Variants in STAG2 observed in about 807,000 individuals in gnomAD.
STAG2 encodes the protein cohesin subunit SA-2.
Under a neutral mutation model 108.1 loss-of-function variants are expected in STAG2, and 14 were observed. The observed-to-expected ratio is 0.13, with a 90% CI of 0.09 to 0.20. The LOEUF is 0.20. Ranked by LOEUF, STAG2 falls within the 10% of genes least tolerant of loss-of-function variation. The pLI, the probability that STAG2 is intolerant of heterozygous loss-of-function variation, is 1.00. For synonymous variants in STAG2, 307 were observed against 302.7 expected (o/e 1.01, Z -0.15); for missense variants, 440 against 940.9 (o/e 0.47, Z 6.96).
At chrX:123,996,115 C>A (rs1289533581) in intron 1 of STAG2, among the ~76,000 whole-genome samples, 4 of 112,089 alleles carry the variant, frequency 3.6e-5, no homozygotes. Context: ...TTCGATATAA[C>A]CCCCGAACAT....
At chrX:123,991,584 C>G (rs1260771531) in intron 1 of STAG2, among the ~76,000 whole-genome samples, 1 of 111,226 alleles carries the variant, frequency 9.0e-6, no homozygotes, top group Non-Finnish European at 1.9e-5. Flanking sequence ...AACTCCTGAC[C>G]TCAGGTGATC....
At chrX:123,976,679 T>C (rs1426111468) in intron 1 of STAG2, among the ~76,000 whole-genome samples, 1 of 112,236 alleles carries the variant, frequency 8.9e-6, no homozygotes, top group Non-Finnish European at 1.9e-5. Context: ...ATCTTCTTAC[T>C]ATATGACAAG....
At chrX:124,067,842 G>A (rs1479519166) in intron 23 of STAG2, among the ~76,000 whole-genome samples, 1 of 110,994 alleles carries the variant, frequency 9.0e-6, no homozygotes, top group East Asian at 2.8e-4. Context: ...GACCAGCCTG[G>A]CCAACATGGT....
At chrX:124,065,722 A>G (rs759463029) in intron 20 of STAG2, among the ~76,000 whole-genome samples, 154 bp from the exon 21 acceptor site, 3 of 111,525 alleles carry the variant, frequency 2.7e-5, no homozygotes, top group African/African-American at 6.5e-5. Context: ...CCCCAGCCAT[A>G]TTGCCTTAAA....
chrX:124,024,869 G>A (rs1320117428), intron 3 of STAG2, among the ~76,000 whole-genome samples: 1 of 111,716 alleles, frequency 9.0e-6, no homozygotes, highest in East Asian at 2.8e-4. Flanking sequence ...TTATGGATGT[G>A]GCTCAATTCT....
At chrX:124,090,188 G>GAAAA (rs2059222727) in intron 30 of STAG2, among the ~76,000 whole-genome samples, 1 of 69,564 alleles carries the variant, frequency 1.4e-5, no homozygotes, top group Non-Finnish European at 3.0e-5. Flanking sequence ...AAAAAAAAAG[G>GAAAA]TTTAGTCCTT....
intron 15 of STAG2, among the ~76,000 whole-genome samples, chrX:124,059,459 A>G (rs2058317070): frequency 8.9e-6 from 1 of 111,980 alleles, no homozygotes; most frequent in African/African-American, 3.2e-5. Flanking sequence ...CTTTGCTGAA[A>G]GTTTCTAACA....
intron 13 of STAG2, among the ~76,000 whole-genome samples, chrX:124,052,503 A>G (rs762634240): frequency 1.2e-4 from 13 of 112,076 alleles, no homozygotes; most frequent in Non-Finnish European, 3.8e-5. Flanking sequence ...TATAGCACGT[A>G]CTCCTGTTTA....
intron 1 of STAG2, among the ~76,000 whole-genome samples, chrX:124,007,567 A>C: frequency 8.9e-6 from 1 of 111,941 alleles, no homozygotes; most frequent in Admixed American, 9.5e-5. Context: ...AGTTAAAATT[A>C]TATGCAAAGG....
intron 9 of STAG2, 124 bp from the exon 10 acceptor site, chrX:124,048,881 A>G (rs1421238466): frequency 5.9e-6 from 3 of 506,484 alleles, no homozygotes; most frequent in Non-Finnish European, 1.0e-5. Context: ...ACTGTTGTCT[A>G]GTATAATTCA....
chrX:124,020,688 C>T (rs9887140), intron 1 of STAG2, among the ~76,000 whole-genome samples: 6 of 110,771 alleles, frequency 5.4e-5, no homozygotes, highest in East Asian at 5.7e-4. Flanking sequence ...CCTGTCTCAA[C>T]GAAAATAAGA....
upstream of STAG2, chrX:123,960,642 A>G (rs2053806434): frequency 9.5e-6 from 1 of 104,830 alleles, no homozygotes; most frequent in Non-Finnish European, 1.9e-5. Flanking sequence ...AAAAAAAAAA[A>G]AGAAAAAAAA....
chrX:123,967,791 C>T (rs1221503666), intron 1 of STAG2, among the ~76,000 whole-genome samples: 1 of 110,773 alleles, frequency 9.0e-6, no homozygotes, highest in Non-Finnish European at 1.9e-5. Context: ...AGTTATAATA[C>T]AGTGGTAAGT....
intron 5 of STAG2, 70 bp from the exon 6 acceptor site, chrX:124,037,455 CTT>C: frequency 1.7e-6 from 1 of 605,064 alleles, no homozygotes; most frequent in Non-Finnish European, 2.4e-6. Flanking sequence ...AATTTTATGA[CTT>C]TATCAGACTT....
intron 1 of STAG2, among the ~76,000 whole-genome samples, chrX:123,982,448 C>T (rs2147666293): frequency 8.9e-6 from 1 of 111,919 alleles, no homozygotes; most frequent in Non-Finnish European, 1.9e-5. Flanking sequence ...GATCTTGGCT[C>T]ACTGCAACTT....
chrX:124,056,896 CTT>C (rs11325586), intron 14 of STAG2, among the ~76,000 whole-genome samples: 36 of 94,040 alleles, frequency 3.8e-4, no homozygotes, highest in South Asian at 1.0e-3. Flanking sequence ...TATAATTAGG[CTT>C]TTTTTTTTTT....
chrX:124,061,121 G>A, intron 15 of STAG2, 103 bp from the exon 16 acceptor site: 1 of 520,907 alleles, frequency 1.9e-6, no homozygotes, highest in East Asian at 3.8e-5. Context: ...AAAATAGATT[G>A]CTGTTTGAGA....
At chrX:124,016,978 G>A (rs184027321) in intron 1 of STAG2, among the ~76,000 whole-genome samples, 9 of 111,183 alleles carry the variant, frequency 8.1e-5, no homozygotes, top group Admixed American at 4.8e-4. Flanking sequence ...GACCCTTTTG[G>A]GAGGAGTGTT....
chrX:124,000,775 CAT>C (rs1602752913), intron 1 of STAG2, among the ~76,000 whole-genome samples: 1 of 111,813 alleles, frequency 8.9e-6, no homozygotes, highest in African/African-American at 3.3e-5. Context: ...GACAGCTCCA[CAT>C]GTTATTGTCC....
Sources: allele counts gnomAD v4.1 joint callset (sites outside exome capture counted in the v4.1 genomes callset), GRCh38; gene constraint gnomAD v4.1.1; transcripts MANE v1.5; gene names NCBI Gene and HGNC (gene_info 2026-07-23, HGNC 2026-07-21).